Variants in CACNB2 observed in about 807,000 individuals in gnomAD.
The protein encoded by CACNB2 is voltage-dependent L-type calcium channel subunit beta-2.
Under a neutral mutation model 73.3 loss-of-function variants are expected in CACNB2, and 42 were observed. The observed-to-expected ratio is 0.57, with a 90% confidence interval of 0.45 to 0.74. The LOEUF (loss-of-function observed/expected upper bound fraction) is 0.74, where lower values mean the gene tolerates loss of function less well. Ranked by LOEUF, CACNB2 falls within the 30% of genes least tolerant of loss-of-function variation. The probability of loss-of-function intolerance (pLI) is 0.00; values close to 1 mark genes in which losing one functional copy is unlikely to be tolerated. For synonymous variants in CACNB2, 348 were observed against 310.3 expected, an observed-to-expected ratio of 1.12 and a Z score of -1.28; for missense variants, 940 against 853.0, an observed-to-expected ratio of 1.10 and a Z score of -1.27.
chr10:18,388,105 G>A (rs575359700), intron 2 of CACNB2, among the ~76,000 whole-genome samples: 7 of 152,218 alleles, frequency 4.6e-5, no homozygotes, highest in Middle Eastern at 6.8e-3. Context: ...AAACTGTCAG[G>A]CCATTTTTGC....
At position 18,467,687 on chromosome 10, in the gene CACNB2, A is replaced by G. The variant is rs552898966; in HGVS notation, c.334-30668A>G. 2.6e-5 allele frequency among the ~76,000 whole-genome samples: 4 copies of G among 152,290 alleles called. No individual in the cohort carries two copies. In the East Asian group the frequency reaches 7.7e-4, roughly 29 times the overall value. On this transcript the variant is annotated intron_variant, in intron 3 of 13. Transcript: ENST00000324631. ...TGGCAGTCAGGAACCTGGGAGCCCA[A>G]TTTATTTGTCCCCTCAACCCAACTC...
chr10:18,458,697 G>T (rs2047405794), intron 3 of CACNB2, among the ~76,000 whole-genome samples: 1 of 151,362 alleles, frequency 6.6e-6, no homozygotes, highest in South Asian at 2.1e-4. Context: ...TAACTGCAAT[G>T]GCCAACTAAT....
intron 2 of CACNB2, among the ~76,000 whole-genome samples, chr10:18,302,591 C>G (rs191522041): frequency 6.6e-6 from 1 of 152,242 alleles, no homozygotes; most frequent in East Asian, 1.9e-4. Flanking sequence ...GGAAGTAACT[C>G]AGGGATGGGA....
chr10:18,483,504 C>G (rs2132865695), intron 3 of CACNB2, among the ~76,000 whole-genome samples: 1 of 142,894 alleles, frequency 7.0e-6, no homozygotes, highest in Admixed American at 7.4e-5. Flanking sequence ...GCACTCCAGC[C>G]TGGGCAATAA....
chr10:18,254,526 T>C (rs2037205415), intron 2 of CACNB2, among the ~76,000 whole-genome samples: 1 of 152,104 alleles, frequency 6.6e-6, no homozygotes, highest in Non-Finnish European at 1.5e-5. Flanking sequence ...AAAAAAATGA[T>C]TGATTGTTGG....
rs1443088095 is a variant in CACNB2 at position 18,543,477 on chromosome 10, C to T, written c.*3753C>T. On this transcript the variant is annotated 3_prime_UTR_variant, in exon 14 of 14. Coordinates refer to ENST00000324631, the MANE Select transcript of CACNB2 (RefSeq NM_201596.3). ...CACAGGGTTTTAAAGTAAATGTACT[C>T]ACTGTTGAACTTAAGTACTTCTTCT... 1 of 152,150 alleles carries T rather than the reference C, an allele frequency of 6.6e-6. No individual in the cohort carries two copies. Among genetic ancestry groups the T allele is most frequent in the Non-Finnish European group, 1.5e-5 (1 of 68,012 alleles). The allele number at this position is 152,150 out of a possible 1,614,324, so 9.4% of individuals were successfully genotyped here.
intron 2 of CACNB2, among the ~76,000 whole-genome samples, chr10:18,342,669 G>C (rs1039030015): frequency 6.6e-6 from 1 of 151,866 alleles, no homozygotes; most frequent in Admixed American, 6.6e-5. Flanking sequence ...ATGGATTTTT[G>C]GATTTTTGAA....
At chr10:18,533,452 G>C (rs1488356818) in intron 10 of CACNB2, 1 of 152,736 alleles carries the variant, frequency 6.5e-6, no homozygotes, top group Non-Finnish European at 1.5e-5. Flanking sequence ...AATGTTTTGT[G>C]ATAAGTTTCT....
intron 3 of CACNB2, among the ~76,000 whole-genome samples, chr10:18,416,190 C>A (rs932912812): frequency 7.2e-5 from 11 of 152,124 alleles, no homozygotes; most frequent in Non-Finnish European, 1.6e-4. Flanking sequence ...TTTTTCCACT[C>A]TTTATCTCCA....
At chr10:18,344,098 G>A (rs2041349278) in intron 2 of CACNB2, among the ~76,000 whole-genome samples, 1 of 150,170 alleles carries the variant, frequency 6.7e-6, no homozygotes, top group South Asian at 2.1e-4. Flanking sequence ...GTTAGCATGT[G>A]ACTGTGTATT....
intron 3 of CACNB2, among the ~76,000 whole-genome samples, chr10:18,423,712 A>C (rs2132744119): frequency 6.6e-6 from 1 of 152,300 alleles, no homozygotes; most frequent in South Asian, 2.1e-4. Flanking sequence ...TAAAGGACTC[A>C]AGCATAAGAC....
intron 2 of CACNB2, among the ~76,000 whole-genome samples, chr10:18,395,261 C>G (rs925750972): frequency 6.6e-6 from 1 of 152,104 alleles, no homozygotes; most frequent in African/African-American, 2.4e-5. Flanking sequence ...TTCTTTCTGC[C>G]CAGACATCCC....
intron 3 of CACNB2, among the ~76,000 whole-genome samples, chr10:18,426,631 G>A (rs1472050370): frequency 1.3e-5 from 2 of 152,124 alleles, no homozygotes; most frequent in African/African-American, 2.4e-5. Flanking sequence ...CCTGAGGCCA[G>A]GAGTTCAAGA....
intron 2 of CACNB2, among the ~76,000 whole-genome samples, chr10:18,325,884 A>G (rs951853591): frequency 1.1e-4 from 16 of 151,930 alleles, no homozygotes; most frequent in Non-Finnish European, 1.6e-4. Flanking sequence ...AGCTGGGACC[A>G]GAGGCGCACA....
intron 2 of CACNB2, among the ~76,000 whole-genome samples, chr10:18,168,699 T>TA (rs2033036457): frequency 6.6e-6 from 1 of 152,246 alleles, no homozygotes. Flanking sequence ...AGGCTCTTTT[T>TA]ATCAATGGTT....
At chr10:18,256,200 A>G (rs2037280900) in intron 2 of CACNB2, among the ~76,000 whole-genome samples, 2 of 151,616 alleles carry the variant, frequency 1.3e-5, no homozygotes, top group Admixed American at 1.3e-4. Flanking sequence ...CAAAATAGCT[A>G]ATTTAGCAAT....
At chr10:18,201,733 A>G (rs749646407) in intron 2 of CACNB2, among the ~76,000 whole-genome samples, 6 of 152,178 alleles carry the variant, frequency 3.9e-5, no homozygotes, top group Non-Finnish European at 8.8e-5. Context: ...TCTCCTCTTC[A>G]CAGCTATTTT....
chr10:18,382,327 T>C (rs538273980), intron 2 of CACNB2, among the ~76,000 whole-genome samples: 62 of 152,142 alleles, frequency 4.1e-4, no homozygotes, highest in Non-Finnish European at 8.1e-4. Flanking sequence ...GTTGTATCTT[T>C]CTTTGTATTG....
chr10:18,192,478 A>G lies in CACNB2; in HGVS notation c.213+41503A>G, dbSNP rs143042191. On this transcript the variant is annotated intron_variant, in intron 2 of 13. Transcript: ENST00000324631. ...TCCTCCTGCCTTAGCCTCACAAAGC[A>G]CTGGTATTACAGGTATGAGCCACCA... Among the ~76,000 whole-genome samples, 1,213 of 152,236 alleles carry G rather than the reference A, an allele frequency of 8.0e-3. 15 individuals are homozygous for G. Among genetic ancestry groups the G allele is most frequent in the African/African-American group, 0.027 (1,139 of 41,546 alleles).
Sources: gnomAD v4.1 joint callset for allele counts (sites outside exome capture counted in the v4.1 genomes callset) on GRCh38, gnomAD v4.1.1 for gene constraint, MANE v1.5 for transcripts, NCBI Gene and HGNC (gene_info 2026-07-23, HGNC 2026-07-21) for gene names.